Variants in SLC4A1 observed in about 807,000 individuals in gnomAD.
The protein encoded by SLC4A1 is solute carrier family 4 member 1 (Diego blood group), also known as band 3 anion transport protein.
Under a neutral mutation model 93.1 loss-of-function variants are expected in SLC4A1, and 29 were observed. That is an observed-to-expected ratio of 0.31 (90% CI 0.23 to 0.42). SLC4A1 has a LOEUF of 0.42. Ranked by LOEUF, SLC4A1 falls within the 20% of genes least tolerant of loss-of-function variation. The pLI is 1.00. For synonymous variants in SLC4A1, 469 were observed against 497.2 expected (o/e 0.94, Z 0.76); for missense variants, 965 against 1,190.1 (o/e 0.81, Z 2.78).
At chr17:44,261,424 C>T (rs2047443371) in intron 4 of SLC4A1, 151 bp downstream of exon 4, 2 of 1,344,074 alleles carry the variant, frequency 1.5e-6, no homozygotes, top group Non-Finnish European at 2.1e-6. Flanking sequence ...GGCGTCCCTC[C>T]CACCTGTTTC....
At chr17:44,267,902 A>G (rs1191384792) in intron 1 of SLC4A1, among the ~76,000 whole-genome samples, 152 bp downstream of exon 1, 1 of 152,114 alleles carries the variant, frequency 6.6e-6, no homozygotes, top group African/African-American at 2.4e-5. Context: ...TAGGGGCAAC[A>G]TATGCATGGT....
rs57190328 is a variant in SLC4A1 at position 44,260,362 on chromosome 17, G to A, written c.485+42C>T. The A allele has an allele frequency of 2.4e-3, 3,796 of 1,594,656 alleles. 74 individuals are homozygous for A. In the African/African-American group the frequency reaches 0.044, roughly 19 times the overall value. The stretch of plus-strand genomic sequence containing the variant: ...TGGGGCAAGTGGGCTGGGGAAGTGG[G>A]CCCACTGGATATGGAATCCAGGCCC... On this transcript the variant is annotated intron_variant, in intron 6 of 19. Coordinates refer to ENST00000262418, the MANE Select transcript of SLC4A1 (RefSeq NM_000342.4).
chr17:44,261,642 A>G lies in SLC4A1; in HGVS notation c.107-6T>C. 6.2e-7 allele frequency: 1 copy of G among 1,613,954 alleles called. No homozygotes were observed. The highest frequency in any genetic ancestry group is 8.5e-7 in the Non-Finnish European group (1 of 1,179,950). On this transcript the variant is annotated splice_region_variant and splice_polypyrimidine_tract_variant and intron_variant, in intron 3 of 19. Transcript: ENST00000262418. ...TGTTGCCTCGGTGTCGTGAGCTGAA[A>G]ACCAGAGGTCGGTTAGTATTGACCT...
At position 44,258,488 on chromosome 17, in the gene SLC4A1, C is replaced by T; in HGVS notation, c.1012G>A (p.Val338Met). 1 of 1,614,040 alleles carries T rather than the reference C, an allele frequency of 6.2e-7. No homozygotes were observed. The highest frequency in any genetic ancestry group is 8.5e-7 in the Non-Finnish European group (1 of 1,179,998). ...SEQALLSLVP[V>M]QRELLRRRYQ... ...CGCCTTCGAAGTAGCTCCCTCTGCA[C>T]AGGCACCAGACTGAGCAGTGCCTGC... The change falls in exon 10 of 20, where the codon GTG (valine) becomes ATG (methionine). Residue 338 changes from valine to methionine, a missense_variant. Physicochemically the swap from Val to Met is conservative, Grantham distance 21. Around this residue, in one of 2 missense-constraint regions of SLC4A1, gnomAD observed 770 missense variants for 1,006.6 expected, o/e 0.76. Transcript: ENST00000262418. This position sits in a 1 kb window ranked among gnomAD's most constrained non-coding sequence, Gnocchi z 6.1.
chr17:44,249,120 C>T lies in SLC4A1; in HGVS notation c.*1338G>A, dbSNP rs1381033780. The T allele has an allele frequency of 2.2e-6, 1 of 448,442 alleles. No homozygotes were observed. The highest frequency in any genetic ancestry group is 7.3e-5 in the East Asian group (1 of 13,754). 27.8% of individuals were successfully genotyped at this position (448,442 alleles called of 1,614,324 possible). On this transcript the variant is annotated 3_prime_UTR_variant, in exon 20 of 20. Transcript: ENST00000262418. ...CAAATGATCCGCCCAACTTGGCCTC[C>T]CAAAGTGCTGGGATTACAAACGTGA...
At chr17:44,267,818 G>A (rs2047507118) in intron 1 of SLC4A1, among the ~76,000 whole-genome samples, 1 of 152,112 alleles carries the variant, frequency 6.6e-6, no homozygotes, top group Non-Finnish European at 1.5e-5. Flanking sequence ...ACACGCACCG[G>A]AGCCACACAT....
At position 44,259,724 on chromosome 17, in the gene SLC4A1, G is replaced by C. The variant is rs576829872; in HGVS notation, c.609+85C>G. ...TGCTTCTGGTCCCCTGCTTGTGGTCGGTTTTTCAGGACCCCTGCTGGCGTT... is the reference window on the plus strand; with the variant it reads ...TGCTTCTGGTCCCCTGCTTGTGGTCCGTTTTTCAGGACCCCTGCTGGCGTT... On this transcript the variant is annotated intron_variant, in intron 7 of 19. Coordinates refer to ENST00000262418, the MANE Select transcript of SLC4A1 (RefSeq NM_000342.4). 65 of 1,598,634 alleles carry C rather than the reference G, an allele frequency of 4.1e-5. No individual in the cohort carries two copies. In the South Asian group the frequency reaches 6.8e-4, roughly 17 times the overall value.
At position 44,254,587 on chromosome 17, in the gene SLC4A1, G is replaced by A. The variant is rs372514760; in HGVS notation, c.1966C>T (p.Arg656Cys). ...RGWVIHPLGL[R>C]SEFPIWMMFA... ...ATCATCCAGATGGGAAACTCGGAACGCAAGCCCAGTGGGTGGATGACCCAG... is the reference window on the plus strand; with the variant it reads ...ATCATCCAGATGGGAAACTCGGAACACAAGCCCAGTGGGTGGATGACCCAG... Residue 656 changes from arginine to cysteine, a missense_variant, in exon 16 of 20, where the codon CGT becomes TGT. Physicochemically the swap from Arg to Cys is radical, Grantham distance 180 (BLOSUM62 -3). Coordinates refer to ENST00000262418, the MANE Select transcript of SLC4A1 (RefSeq NM_000342.4). 25 of 1,613,922 alleles carry A rather than the reference G, an allele frequency of 1.5e-5. No homozygotes were observed. Among genetic ancestry groups the A allele is most frequent in the South Asian group, 2.2e-5 (2 of 91,074 alleles).
chr17:44,260,869 G>T, intron 4 of SLC4A1, 54 bp from the exon 5 acceptor site: 1 of 1,590,894 alleles, frequency 6.3e-7, no homozygotes, highest in Non-Finnish European at 8.5e-7. Flanking sequence ...GGGCATAGTG[G>T]GTGCTCAGCC....
In SLC4A1 at chr17:44,262,511, T is replaced by C. The variant is rs536164265; in HGVS notation, c.106+125A>G. The C allele has an allele frequency of 6.5e-5, 46 of 709,212 alleles. No individual in the cohort carries two copies. In the East Asian group the frequency reaches 7.5e-4, roughly 12 times the overall value. 43.9% of individuals were successfully genotyped at this position (709,212 alleles called of 1,614,324 possible). On this transcript the variant is annotated intron_variant, in intron 3 of 19. Transcript: ENST00000262418. ...TGTTTATCCTTCAATCAGCCAGAAT[T>C]GAGGGGAGAACGGCCCGTGGTGCTT...
rs45610239 is a variant in SLC4A1, at chr17:44,259,736, C to T, written c.609+73G>A. The T allele has an allele frequency of 1.4e-3, 2,315 of 1,608,918 alleles. 40 individuals are homozygous for T. The African/African-American group carries it at 0.028, about 19-fold the overall frequency. On this transcript the variant is annotated intron_variant, in intron 7 of 19. Transcript: ENST00000262418. ...CCTGCTTGTGGTCGGTTTTTCAGGA[C>T]CCCTGCTGGCGTTTGAGAAAGCTCT...
At chr17:44,257,571 C>T (rs1401673353) in intron 12 of SLC4A1, 27 bp from the exon 13 acceptor site, 1 of 1,613,466 alleles carries the variant, frequency 6.2e-7, no homozygotes, top group Non-Finnish European at 8.5e-7. Flanking sequence ...AGAAGCCGGT[C>T]AGTCAAAGGG....
Position 44,248,588 on chromosome 17 carries a change from G to A in SLC4A1, c.*1870C>T, listed in dbSNP as rs1429179888. The A allele has an allele frequency of 1.3e-5, 2 of 152,248 alleles. No individual in the cohort carries two copies. Among genetic ancestry groups the A allele is most frequent in the African/African-American group, 4.8e-5 (2 of 41,426 alleles). The allele number at this position is 152,248 out of a possible 1,614,324, so 9.4% of individuals were successfully genotyped here. On this transcript the variant is annotated 3_prime_UTR_variant, in exon 20 of 20. Transcript: ENST00000262418. ...GAGGTTGGGCTCTTCACCAACCAAG[G>A]CCTTTTCTTGCACTGTCTCCTTTAA...
chr17:44,261,827 G>A (rs2047447857), intron 3 of SLC4A1, among the ~76,000 whole-genome samples, 191 bp from the exon 4 acceptor site: 1 of 152,108 alleles, frequency 6.6e-6, no homozygotes, highest in South Asian at 2.1e-4. Flanking sequence ...TGTGTGCTGG[G>A]CCTAGCCTTG....
Position 44,261,585 on chromosome 17 carries a change from C to T in SLC4A1, c.158G>A (p.Gly53Asp), listed in dbSNP as rs1343209793. The T allele has an allele frequency of 1.2e-6, 2 of 1,614,020 alleles. No individual in the cohort carries two copies. The highest frequency in any genetic ancestry group is 2.7e-5 in the African/African-American group (2 of 74,924). Residue 53 changes from glycine (G) to aspartate (D), a missense_variant, in exon 4 of 20, where the codon GGT (glycine) becomes GAT (aspartate). Physicochemically the swap from Gly to Asp is moderately conservative, Grantham distance 94. Coordinates refer to ENST00000262418, the MANE Select transcript of SLC4A1 (RefSeq NM_000342.4). ...GGCTGGGGTCCTCACCTTGTGGGTA[C>T]CCGGGTGTGATGTGGTGTGGTAGTC... ...ATDYHTTSHP[G>D]THKVYVELQE...
chr17:44,262,647 T>C lies in SLC4A1; in HGVS notation c.95A>G (p.Glu32Gly). Residue 32 changes from glutamate to glycine, a missense_variant, in exon 3 of 20, where the codon GAG becomes GGG. Transcript: ENST00000262418. ...GGAGAGGGGCTCACCTGCCGGCTCCTCCATCTGGGACTCGGGGATGTCTGG... is the reference window on the plus strand; with the variant it reads ...GGAGAGGGGCTCACCTGCCGGCTCCCCCATCTGGGACTCGGGGATGTCTGG... Reference protein sequence around the residue: ...EDPDIPESQMEEPAAHDTEAT... With the variant: ...EDPDIPESQMGEPAAHDTEAT... 1 of 1,612,166 alleles carries C rather than the reference T, an allele frequency of 6.2e-7. No homozygotes were observed. The highest frequency in any genetic ancestry group is 8.5e-7 in the Non-Finnish European group (1 of 1,178,924).
In SLC4A1 at chr17:44,261,650, G is replaced by A; in HGVS notation, c.107-14C>T. On this transcript the variant is annotated splice_polypyrimidine_tract_variant and intron_variant, in intron 3 of 19. Coordinates refer to ENST00000262418, the MANE Select transcript of SLC4A1 (RefSeq NM_000342.4). The stretch of plus-strand genomic sequence containing the variant: ...CGGTGTCGTGAGCTGAAAACCAGAG[G>A]TCGGTTAGTATTGACCTGACCGTCC... The A allele has an allele frequency of 1.3e-5, 21 of 1,614,120 alleles. No homozygotes were observed. Among genetic ancestry groups the A allele is most frequent in the Non-Finnish European group, 1.8e-5 (21 of 1,179,984 alleles).
At chr17:44,266,166 C>T (rs758754999) in intron 1 of SLC4A1, among the ~76,000 whole-genome samples, 28 of 152,002 alleles carry the variant, frequency 1.8e-4, no homozygotes, top group Non-Finnish European at 3.2e-4. Flanking sequence ...GACCTGAGGA[C>T]GAGGTAGTCC....
intron 1 of SLC4A1, 87 bp downstream of exon 1, chr17:44,267,967 C>T: frequency 1.4e-6 from 1 of 706,696 alleles, no homozygotes; most frequent in Middle Eastern, 7.2e-4. Flanking sequence ...CCTGGCCCAC[C>T]TGGGCATAGA....
Sources: allele counts gnomAD v4.1 joint callset (sites outside exome capture counted in the v4.1 genomes callset), GRCh38; gene constraint gnomAD v4.1.1; regional missense constraint gnomAD v4.1.1; non-coding constraint Gnocchi (gnomAD v3.1); transcripts MANE v1.5; gene names NCBI Gene and HGNC (gene_info 2026-07-23, HGNC 2026-07-21).